CDH8: variants seen among roughly 807,000 people sequenced by gnomAD.
CDH8 encodes cadherin 8, also known as cadherin-8.
A neutral mutation model predicts 68.1 loss-of-function variants in CDH8; 17 were observed. That is an observed-to-expected ratio of 0.25 (90% CI 0.17 to 0.37). The LOEUF is 0.37. Among genes scored for constraint, CDH8 ranks in the 10% least tolerant of loss-of-function variants. The pLI, the probability that CDH8 is intolerant of heterozygous loss-of-function variation, is 1.00. For synonymous variants in CDH8, 372 were observed against 365.1 expected (o/e 1.02, Z -0.21); for missense variants, 763 against 999.3 (o/e 0.76, Z 3.19).
intron 7 of CDH8, among the ~76,000 whole-genome samples, chr16:61,810,520 T>C (rs776177528): frequency 6.6e-6 from 1 of 151,490 alleles, no homozygotes; most frequent in Non-Finnish European, 1.5e-5. Context: ...GAAGGGAGAA[T>C]AAAAATGTGA....
At chr16:62,024,337 C>T (rs1013240496) in intron 1 of CDH8, among the ~76,000 whole-genome samples, 2 of 152,132 alleles carry the variant, frequency 1.3e-5, no homozygotes, top group African/African-American at 4.8e-5. Context: ...AAAGGAGATA[C>T]TCATGGTACG....
intron 1 of CDH8, among the ~76,000 whole-genome samples, chr16:62,022,058 CT>C (rs530612456): frequency 3.0e-4 from 46 of 151,178 alleles, no homozygotes; most frequent in East Asian, 2.9e-3. Flanking sequence ...CTTTCTTTCA[CT>C]TTTTTTTTAC....
At chr16:61,757,989 T>A (rs1009282538) in intron 8 of CDH8, among the ~76,000 whole-genome samples, 1 of 152,156 alleles carries the variant, frequency 6.6e-6, no homozygotes, top group Non-Finnish European at 1.5e-5. Context: ...AATGACAACG[T>A]TAAGCATGTG....
chr16:61,926,754 G>A (rs1597070892), intron 2 of CDH8, among the ~76,000 whole-genome samples: 1 of 152,118 alleles, frequency 6.6e-6, no homozygotes, highest in Admixed American at 6.6e-5. Context: ...AATAGTAACG[G>A]CAATTTTATG....
intron 2 of CDH8, among the ~76,000 whole-genome samples, chr16:61,931,648 G>T (rs1435304495): frequency 2.0e-5 from 3 of 151,920 alleles, no homozygotes; most frequent in Non-Finnish European, 4.4e-5. Context: ...ATGTCATTTG[G>T]GCCCCTCAGA....
At chr16:62,034,558 C>T (rs1208897961) in intron 1 of CDH8, among the ~76,000 whole-genome samples, 2 of 152,068 alleles carry the variant, frequency 1.3e-5, no homozygotes, top group African/African-American at 4.8e-5. Flanking sequence ...GTACCGGATG[C>T]GAGAGGACAG....
chr16:61,807,501 AAAACAAAC>A (rs142220039), intron 7 of CDH8, among the ~76,000 whole-genome samples: 1 of 152,070 alleles, frequency 6.6e-6, no homozygotes, highest in African/African-American at 2.4e-5. Context: ...ACAAAAAACA[AAAACAAAC>A]AAACAAACAA....
At chr16:61,989,276 GA>G in intron 2 of CDH8, among the ~76,000 whole-genome samples, 1 of 152,210 alleles carries the variant, frequency 6.6e-6, no homozygotes, top group East Asian at 1.9e-4. Context: ...GTTATTTTTT[GA>G]CAAAAAGAGT....
Position 61,821,071 on chromosome 16 carries a change from G to A in CDH8, c.878C>T (p.Thr293Ile). 1 of 1,612,464 alleles carries A rather than the reference G, an allele frequency of 6.2e-7. No individual in the cohort carries two copies. The highest frequency in any genetic ancestry group is 8.5e-7 in the Non-Finnish European group (1 of 1,179,068). The change falls in exon 6 of 12, where the codon ACT becomes ATT. Residue 293 changes from threonine (T) to isoleucine (I), a missense_variant. By Grantham distance (89) the Thr-to-Ile change is moderately conservative (BLOSUM62 -1). Transcript: ENST00000577390. ...ATTGGCCTTCACCCTTCCTATTGCA[G>A]TGCCAAGAACCACATCTTCCGGTAC... Reference protein sequence around the residue: ...FSVPEDVVLGTAIGRVKANDQ... With the variant: ...FSVPEDVVLGIAIGRVKANDQ...
intron 3 of CDH8, among the ~76,000 whole-genome samples, chr16:61,872,461 T>C (rs1314266120): frequency 6.6e-6 from 1 of 152,142 alleles, no homozygotes; most frequent in Non-Finnish European, 1.5e-5. Context: ...AGATTTAAAA[T>C]TTTTCTGATT....
At chr16:61,777,963 T>C (rs1170500888) in intron 8 of CDH8, among the ~76,000 whole-genome samples, 4 of 152,102 alleles carry the variant, frequency 2.6e-5, no homozygotes, top group African/African-American at 7.2e-5. Flanking sequence ...GCTAAGAACA[T>C]TGATCTCCAG....
intron 4 of CDH8, among the ~76,000 whole-genome samples, chr16:61,853,269 C>T (rs1962977707): frequency 6.6e-6 from 1 of 152,010 alleles, no homozygotes; most frequent in Non-Finnish European, 1.5e-5. Context: ...GAGAGCAGAA[C>T]TTATCTGTTC....
chr16:61,690,586 T>C (rs771625542), intron 10 of CDH8, among the ~76,000 whole-genome samples: 20 of 152,068 alleles, frequency 1.3e-4, no homozygotes, highest in Admixed American at 4.6e-4. Flanking sequence ...ACCTTTATAT[T>C]ATAGTAGCTA....
chr16:61,853,956 G>A (rs981996272), intron 4 of CDH8, among the ~76,000 whole-genome samples: 6 of 151,310 alleles, frequency 4.0e-5, no homozygotes, highest in African/African-American at 1.5e-4. Context: ...ACATATATGT[G>A]TATATATACA....
In CDH8 at chr16:61,758,074, C is replaced by T. The variant is rs1248141725; in HGVS notation, c.1415-30859G>A. Among the ~76,000 whole-genome samples the T allele has an allele frequency of 2.0e-5, 3 of 152,012 alleles. No homozygotes were observed. The South Asian group carries it at 6.2e-4, about 32-fold the overall frequency. On this transcript the variant is annotated intron_variant, in intron 8 of 11. Transcript: ENST00000577390. ...TATTGTTAGTAAAAACTTAATGGTC[C>T]TCAGGGATAGTGTTGTTAGTGAAAG...
At chr16:61,788,062 C>T (rs1961277856) in intron 8 of CDH8, among the ~76,000 whole-genome samples, 2 of 148,860 alleles carry the variant, frequency 1.3e-5, no homozygotes, top group Admixed American at 1.3e-4. Context: ...ACAATGTGCA[C>T]ATGTACCCTA....
intron 8 of CDH8, among the ~76,000 whole-genome samples, chr16:61,745,008 C>A (rs1418157117): frequency 6.7e-6 from 1 of 148,978 alleles, no homozygotes; most frequent in Admixed American, 6.7e-5. Flanking sequence ...ATCATATTGC[C>A]ATTTAGGCTG....
chr16:61,723,144 A>G (rs1360826496), intron 9 of CDH8, among the ~76,000 whole-genome samples: 1 of 150,734 alleles, frequency 6.6e-6, no homozygotes, highest in East Asian at 2.0e-4. Context: ...CTAATTCTGT[A>G]TATGGTAACC....
Position 61,908,348 on chromosome 16 carries a change from A to G in CDH8, c.253-6875T>C, listed in dbSNP as rs933709696. On this transcript the variant is annotated intron_variant, in intron 2 of 11. Transcript: ENST00000577390. ...ATTAGTTTTGGGCCCAAGTCTCCCA[A>G]ATGATAAGCATATAGGACTTCAATC... Among the ~76,000 whole-genome samples, 7 of 152,260 alleles carry G rather than the reference A, an allele frequency of 4.6e-5. No homozygotes were observed. In the South Asian group the frequency reaches 6.2e-4, roughly 14 times the overall value.
Sources: gnomAD v4.1 joint callset for allele counts (sites outside exome capture counted in the v4.1 genomes callset) on GRCh38, gnomAD v4.1.1 for gene constraint, MANE v1.5 for transcripts, NCBI Gene and HGNC (gene_info 2026-07-23, HGNC 2026-07-21) for gene names.